Variants in CDK14 observed in about 807,000 individuals in gnomAD.
CDK14 encodes cyclin dependent kinase 14, also known as cyclin-dependent kinase 14.
In CDK14, 34 loss-of-function variants were observed where a neutral mutation model predicts 60.7. The ratio of observed to expected loss-of-function variants is 0.56; its 90% CI spans 0.43 to 0.75. The LOEUF (loss-of-function observed/expected upper bound fraction) is 0.75, where lower values mean the gene tolerates loss of function less well. CDK14 is among the 30% of genes least tolerant of loss of function. The pLI, the probability that CDK14 is intolerant of heterozygous loss-of-function variation, is 0.00. For synonymous variants in CDK14, 197 were observed against 203.7 expected (o/e 0.97, Z 0.28); for missense variants, 482 against 564.1 (o/e 0.85, Z 1.47).
At chr7:90,970,633 T>C (rs769516501) in intron 9 of CDK14, among the ~76,000 whole-genome samples, 5 of 152,222 alleles carry the variant, frequency 3.3e-5, no homozygotes, top group Non-Finnish European at 7.3e-5. Flanking sequence ...TCCTTACATG[T>C]AAAAATCAAA....
chr7:90,783,609 G>A (rs1025821831), intron 4 of CDK14, among the ~76,000 whole-genome samples: 4 of 151,994 alleles, frequency 2.6e-5, no homozygotes, highest in African/African-American at 9.7e-5. Flanking sequence ...ATTAAAAAAT[G>A]GGCAAAACAT....
intron 14 of CDK14, among the ~76,000 whole-genome samples, chr7:91,120,502 A>G (rs1799747668): frequency 6.6e-6 from 1 of 151,276 alleles, no homozygotes; most frequent in Non-Finnish European, 1.5e-5. Flanking sequence ...TATTTTTTCT[A>G]TGACGTTTGC....
At chr7:90,609,852 G>T (rs1799499047) in intron 2 of CDK14, among the ~76,000 whole-genome samples, 1 of 152,080 alleles carries the variant, frequency 6.6e-6, no homozygotes, top group African/African-American at 2.4e-5. Context: ...TCTCTACCCT[G>T]ACTATCACCA....
chr7:91,144,629 G>A (rs758205394), intron 14 of CDK14, among the ~76,000 whole-genome samples: 6 of 152,116 alleles, frequency 3.9e-5, no homozygotes, highest in Non-Finnish European at 5.9e-5. Flanking sequence ...TTTGGACCAC[G>A]CTGTATCATC....
At chr7:90,954,618 C>CTTTT (rs1190916427) in intron 8 of CDK14, among the ~76,000 whole-genome samples, 4 of 27,072 alleles carry the variant, frequency 1.5e-4, no homozygotes, top group African/African-American at 2.9e-4. Context: ...AAACTTTTTT[C>CTTTT]TTTTTTTTTT....
chr7:91,074,570 A>G (rs978631331), intron 11 of CDK14, among the ~76,000 whole-genome samples: 2 of 152,140 alleles, frequency 1.3e-5, no homozygotes, highest in Non-Finnish European at 2.9e-5. Context: ...ATCGACACCC[A>G]AGTATCACAA....
rs771094692 is a variant in CDK14 at position 90,929,446 on chromosome 7, C to T, written c.826+11722C>T. Among the ~76,000 whole-genome samples the T allele has an allele frequency of 2.6e-4, 39 of 152,184 alleles. 1 individual carries two copies. Among genetic ancestry groups the T allele is most frequent in the Non-Finnish European group, 2.6e-4 (18 of 68,012 alleles). On this transcript the variant is annotated intron_variant, in intron 8 of 14. Transcript: ENST00000380050. ...TAAAGTATAATTACTGGGCAAGGGA[C>T]GATTTTAAAAATAGTTCTTTACATA... is the stretch of plus-strand genomic sequence containing the variant.
At chr7:91,039,305 C>G (rs1025125962) in intron 10 of CDK14, among the ~76,000 whole-genome samples, 2 of 152,160 alleles carry the variant, frequency 1.3e-5, no homozygotes, top group Non-Finnish European at 2.9e-5. Flanking sequence ...CCAAGGCAGA[C>G]ACTTTTTAAA....
chr7:90,626,927 A>T (rs1799887715), intron 2 of CDK14, among the ~76,000 whole-genome samples: 1 of 152,042 alleles, frequency 6.6e-6, no homozygotes, highest in Non-Finnish European at 1.5e-5. Flanking sequence ...TGATAGAATG[A>T]GACCCTGTCT....
chr7:90,637,691 G>C (rs1192340940), intron 2 of CDK14, among the ~76,000 whole-genome samples: 2 of 148,674 alleles, frequency 1.3e-5, no homozygotes, highest in African/African-American at 2.5e-5. Context: ...GGGTATCCTT[G>C]TTAACTTTCT....
At chr7:90,941,795 G>A (rs1342475137) in intron 8 of CDK14, among the ~76,000 whole-genome samples, 1 of 152,084 alleles carries the variant, frequency 6.6e-6, no homozygotes, top group South Asian at 2.1e-4. Flanking sequence ...GTGTTGTTCT[G>A]TTGTGTCTGA....
chr7:91,204,638 C>G (rs981318296), intron 14 of CDK14, among the ~76,000 whole-genome samples: 1 of 152,178 alleles, frequency 6.6e-6, no homozygotes, highest in Admixed American at 6.5e-5. Context: ...ATTCATATGG[C>G]CAACAGCCAC....
chr7:91,040,065 C>G (rs542619584), intron 10 of CDK14, among the ~76,000 whole-genome samples: 7 of 152,320 alleles, frequency 4.6e-5, no homozygotes, highest in African/African-American at 1.7e-4. Flanking sequence ...GCCTGGACAA[C>G]AGAATGAAAT....
chr7:91,176,261 C>T (rs998396271), intron 14 of CDK14, among the ~76,000 whole-genome samples: 2 of 152,178 alleles, frequency 1.3e-5, no homozygotes, highest in East Asian at 1.9e-4. Flanking sequence ...TTGAACGCAA[C>T]GAGAGCAAAG....
chr7:90,710,344 G>A (rs1214911187), intron 2 of CDK14: 1 of 984,762 alleles, frequency 1.0e-6, no homozygotes, highest in Non-Finnish European at 1.2e-6. Context: ...GCCTGGCTGT[G>A]CTTGGCTGAA....
At chr7:91,004,969 G>T (rs986556537) in intron 10 of CDK14, among the ~76,000 whole-genome samples, 1 of 152,324 alleles carries the variant, frequency 6.6e-6, no homozygotes, top group South Asian at 2.1e-4. Context: ...AGCGTGGAAA[G>T]GCTCTCCCTC....
At chr7:90,736,761 GT>G (rs1182221822) in intron 3 of CDK14, among the ~76,000 whole-genome samples, 1 of 152,070 alleles carries the variant, frequency 6.6e-6, no homozygotes, top group Admixed American at 6.6e-5. Context: ...GGAAAGCATT[GT>G]TTTTTGGAAA....
chr7:91,020,064 G>A (rs1354818424), intron 10 of CDK14, among the ~76,000 whole-genome samples: 1 of 152,160 alleles, frequency 6.6e-6, no homozygotes, highest in Non-Finnish European at 1.5e-5. Flanking sequence ...ATCAGGGCAT[G>A]CTCTTCTCTG....
At chr7:90,931,087 A>G (rs779056394) in intron 8 of CDK14, among the ~76,000 whole-genome samples, 8 of 152,212 alleles carry the variant, frequency 5.3e-5, no homozygotes, top group Admixed American at 1.3e-4. Flanking sequence ...AAGTTTTGCT[A>G]TCTAGCACTG....
Sources: allele counts gnomAD v4.1 joint callset (sites outside exome capture counted in the v4.1 genomes callset), GRCh38; gene constraint gnomAD v4.1.1; transcripts MANE v1.5; gene names NCBI Gene and HGNC (gene_info 2026-07-23, HGNC 2026-07-21).